TBX2: variants seen among roughly 807,000 people sequenced by gnomAD.
TBX2 encodes the protein T-box transcription factor TBX2.
A neutral mutation model predicts 48.4 loss-of-function variants in TBX2; 19 were observed. The ratio of observed to expected loss-of-function variants is 0.39; its 90% CI spans 0.27 to 0.58. TBX2 has a LOEUF of 0.58. Among genes scored for constraint, TBX2 ranks in the 20% least tolerant of loss-of-function variants. The probability of loss-of-function intolerance (pLI) is 0.54; values close to 1 mark genes in which losing one functional copy is unlikely to be tolerated. For missense variants in TBX2, 994 were observed against 1,006.5 expected (o/e 0.99, Z 0.17); for synonymous variants, 522 against 459.7 (o/e 1.14, Z -1.73).
In TBX2 at chr17:61,408,705, A is replaced by G. The variant is rs1394339854; in HGVS notation, c.*199A>G. On this transcript the variant is annotated 3_prime_UTR_variant, in exon 7 of 7. Transcript: ENST00000240328. Reference sequence around the variant, plus strand: ...CTCAACAAGGATCAGGCTGCTGGAAACACAGTCACTTGGGAGCTGCTGGGC... The same window carrying G: ...CTCAACAAGGATCAGGCTGCTGGAAGCACAGTCACTTGGGAGCTGCTGGGC... The G allele has an allele frequency of 3.9e-5, 19 of 484,380 alleles. No homozygotes were observed. Among genetic ancestry groups the G allele is most frequent in the Non-Finnish European group, 5.5e-5 (16 of 292,170 alleles). 30.0% of individuals were successfully genotyped at this position (484,380 alleles called of 1,614,324 possible). A position where few individuals can be genotyped will look rare whatever the true frequency, so the allele number is the denominator to read the frequency against.
rs2060278806 is a variant in TBX2, at chr17:61,404,465, C to T, written c.855C>T (p.Phe285=). Residue 285 remains phenylalanine, a synonymous_variant, in exon 4 of 7, where the codon TTC becomes TTT. Transcript: ENST00000240328. The part of the protein sequence containing the change: ...KIDNNPFAKG[F]RDTGNGRREK... ...ACAACAACCCGTTTGCCAAGGGCTT[C>T]CGGGACACCGGGAACGGCCGGCGGG... is the stretch of plus-strand genomic sequence containing the variant. 2 of 1,612,054 alleles carry T rather than the reference C, an allele frequency of 1.2e-6. No homozygotes were observed. Among genetic ancestry groups the T allele is most frequent in the African/African-American group, 1.3e-5 (1 of 74,916 alleles).
chr17:61,407,795 C>T (rs1441086793), intron 6 of TBX2: 2 of 492,198 alleles, frequency 4.1e-6, no homozygotes, highest in African/African-American at 4.0e-5. Flanking sequence ...CTTTCCATTA[C>T]CCCTGCTGTA....
intron 6 of TBX2, chr17:61,407,765 G>A (rs2060294848): frequency 2.5e-6 from 1 of 406,412 alleles, no homozygotes; most frequent in Non-Finnish European, 4.3e-6. Flanking sequence ...ACCCGTGCTA[G>A]GGCAGTCACC....
intron 5 of TBX2, 92 bp downstream of exon 5, chr17:61,404,861 G>A (rs1198771153): frequency 1.3e-6 from 2 of 1,498,356 alleles, no homozygotes; most frequent in Non-Finnish European, 1.8e-6. Flanking sequence ...CCGCTAACCT[G>A]AAAGGCCAGG....
intron 2 of TBX2, among the ~76,000 whole-genome samples, chr17:61,402,236 G>C (rs1363383773): frequency 6.6e-6 from 1 of 152,204 alleles, no homozygotes; most frequent in African/African-American, 2.4e-5. Context: ...AGGGAGGCAG[G>C]TGCTGCCAGG....
rs1157093139 is a variant in TBX2 at position 61,405,543 on chromosome 17, C to T, written c.1393C>T (p.Leu465=). The change falls in exon 6 of 7, where the codon CTG becomes TTG. Residue 465 remains leucine (L), a synonymous_variant. Transcript: ENST00000240328. ...TGCGTCCCCCCTGGGCGCCGGACAC[C>T]TGCCCGGCCTGGCCTTTTCCAGCCA... The part of the protein sequence containing the change: ...DSASPLGAGH[L]PGLAFSSHLH... 6.3e-7 allele frequency: 1 copy of T among 1,592,934 alleles called. No homozygotes were observed.
Position 61,405,631 on chromosome 17 carries a change from G to A in TBX2, c.1481G>A (p.Gly494Glu). The change falls in exon 6 of 7, where the codon GGA (glycine) becomes GAA (glutamate). Residue 494 changes from glycine to glutamate, a missense_variant. By Grantham distance (98) the Gly-to-Glu change is moderately conservative (BLOSUM62 -2). Transcript: ENST00000240328. ...GGCCAGCCGCTCTTCCTGCACCCTGGACAGTTCACCATGGGCCCTGGCGCC... is the reference window on the plus strand; with the variant it reads ...GGCCAGCCGCTCTTCCTGCACCCTGAACAGTTCACCATGGGCCCTGGCGCC... ...GAGQPLFLHP[G>E]QFTMGPGAFS... The A allele has an allele frequency of 2.6e-6, 4 of 1,561,620 alleles. No homozygotes were observed. The highest frequency in any genetic ancestry group is 2.6e-6 in the Non-Finnish European group (3 of 1,157,880).
chr17:61,402,106 GCTGGGC>G (rs886285946), intron 2 of TBX2, among the ~76,000 whole-genome samples, 155 bp downstream of exon 2: 22 of 152,262 alleles, frequency 1.4e-4, no homozygotes, highest in African/African-American at 5.1e-4. Context: ...GTCTACGTGG[GCTGGGC>G]CTGGGCCTGG....
In TBX2 at chr17:61,403,238, T is replaced by A; in HGVS notation, c.810+31T>A. The A allele has an allele frequency of 6.2e-7, 1 of 1,606,730 alleles. No individual in the cohort carries two copies. The highest frequency in any genetic ancestry group is 8.5e-7 in the Non-Finnish European group (1 of 1,179,166). ...CGCGGCGGGCGGTGGGCTAAGCCCC[T>A]GCACTGACGCCCCTCAACACGTGCA... On this transcript the variant is annotated intron_variant, in intron 3 of 6. Coordinates refer to ENST00000240328, the MANE Select transcript of TBX2 (RefSeq NM_005994.4). The surrounding 1 kb of genome is among the most constrained non-coding windows in gnomAD (Gnocchi z 5.8).
chr17:61,405,870 G>A, intron 6 of TBX2, 34 bp downstream of exon 6: 2 of 1,286,372 alleles, frequency 1.6e-6, no homozygotes, highest in Non-Finnish European at 2.0e-6. Flanking sequence ...GCGCCAGCGA[G>A]GGAGAAGGCC....
chr17:61,408,327 C>A lies in TBX2; in HGVS notation c.1960C>A (p.Arg654=), dbSNP rs746759936. 1 of 1,608,430 alleles carries A rather than the reference C, an allele frequency of 6.2e-7. No individual in the cohort carries two copies. ...CTCCAAGGCCGCTGGTGGAAACAGC[C>A]GGGAGCCTAGCCCCCTGCCCGAGCT... ...EGSKAAGGNS[R]EPSPLPELAL... The change falls in exon 7 of 7, where the codon CGG becomes AGG. Residue 654 remains arginine, a synonymous_variant. Transcript: ENST00000240328.
chr17:61,405,325 A>G lies in TBX2; in HGVS notation c.1175A>G (p.Glu392Gly). 6.5e-7 allele frequency: 1 copy of G among 1,547,938 alleles called. No individual in the cohort carries two copies. The stretch of plus-strand genomic sequence containing the variant: ...AGCGCCAGCCCCACTCGCTTGACCG[A>G]ACCCGAGCGCGCCCGGGAGCGGCGT... Reference protein sequence around the residue: ...PDSASPTRLTEPERARERRSP... With the variant: ...PDSASPTRLTGPERARERRSP... Residue 392 changes from glutamate (E) to glycine (G), a missense_variant, in exon 6 of 7, where the codon GAA becomes GGA. Coordinates refer to ENST00000240328, the MANE Select transcript of TBX2 (RefSeq NM_005994.4).
Position 61,408,042 on chromosome 17 carries a change from T to C in TBX2, c.1687-12T>C. 6.4e-7 allele frequency: 1 copy of C among 1,562,392 alleles called. No individual in the cohort carries two copies. Among genetic ancestry groups the C allele is most frequent in the Non-Finnish European group, 8.6e-7 (1 of 1,157,426 alleles). ...AAGATGTCTAACCCTCGTCTTGTTC[T>C]GTTTCTTCCAGGGAATTCCAATGCC... is the stretch of plus-strand genomic sequence containing the variant. On this transcript the variant is annotated splice_polypyrimidine_tract_variant and intron_variant, in intron 6 of 6. Coordinates refer to ENST00000240328, the MANE Select transcript of TBX2 (RefSeq NM_005994.4).
chr17:61,401,738 G>A lies in TBX2; in HGVS notation c.450G>A (p.Lys150=). The change falls in exon 2 of 7, where the codon AAG becomes AAA. Residue 150 remains lysine (K), a synonymous_variant. Coordinates refer to ENST00000240328, the MANE Select transcript of TBX2 (RefSeq NM_005994.4). ...TCAGCGGCCTGGACAAGAAGGCCAA[G>A]TATATCCTGCTGATGGACATTGTAG... ...VRVSGLDKKA[K]YILLMDIVAA... The A allele has an allele frequency of 6.2e-7, 1 of 1,613,074 alleles. No individual in the cohort carries two copies. Among genetic ancestry groups the A allele is most frequent in the Non-Finnish European group, 8.5e-7 (1 of 1,180,010 alleles).
At position 61,401,772 on chromosome 17, in the gene TBX2, G is replaced by A. The variant is rs1346822633; in HGVS notation, c.484G>A (p.Asp162Asn). 1.1e-5 allele frequency: 17 copies of A among 1,613,128 alleles called. No individual in the cohort carries two copies. Among genetic ancestry groups the A allele is most frequent in the Non-Finnish European group, 1.4e-5 (17 of 1,180,028 alleles). The change falls in exon 2 of 7, where the codon GAT (aspartate) becomes AAT (asparagine). Residue 162 changes from aspartate to asparagine, a missense_variant. Physicochemically the swap from Asp to Asn is conservative, Grantham distance 23 (BLOSUM62 1). Around this residue, in one of 5 missense-constraint regions of TBX2, gnomAD observed 153 missense variants for 166.2 expected, o/e 0.92. Transcript: ENST00000240328. ...GCTGATGGACATTGTAGCCGCTGAC[G>A]ATTGCCGCTATAAGTTCCACAACTC... is the stretch of plus-strand genomic sequence containing the variant. ...ILLMDIVAAD[D>N]CRYKFHNSRW...
chr17:61,407,994 C>T (rs2060295527), intron 6 of TBX2, 60 bp from the exon 7 acceptor site: 1 of 1,509,268 alleles, frequency 6.6e-7, no homozygotes, highest in Non-Finnish European at 8.8e-7. Flanking sequence ...AGCACCCAGC[C>T]CAACTTCAGA....
At chr17:61,407,833 C>T in intron 6 of TBX2, 1 of 564,814 alleles carries the variant, frequency 1.8e-6, no homozygotes, top group Non-Finnish European at 3.1e-6. Flanking sequence ...TGATGGCAGG[C>T]CTTTGCATGG....
Position 61,408,511 on chromosome 17 carries a change from C to T in TBX2, c.*5C>T. ...GGCCGGGAGTCGCCCAAGTGAGGGG[C>T]TGCCCAGCTGCTCCCCTGCCACGCA... On this transcript the variant is annotated 3_prime_UTR_variant, in exon 7 of 7. Transcript: ENST00000240328. 1 of 1,437,626 alleles carries T rather than the reference C, an allele frequency of 7.0e-7. No individual in the cohort carries two copies. 89.1% of individuals were successfully genotyped at this position (1,437,626 alleles called of 1,614,324 possible). A position where few individuals can be genotyped will look rare whatever the true frequency, so the allele number is the denominator to read the frequency against.
In TBX2 at chr17:61,401,580, G is replaced by A. The variant is rs1447800175; in HGVS notation, c.396-104G>A. On this transcript the variant is annotated intron_variant, in intron 1 of 6. Coordinates refer to ENST00000240328, the MANE Select transcript of TBX2 (RefSeq NM_005994.4). ...CCGACCACAGGGGAAACAGCCAGGC[G>A]GCAGCGGTGTGCGCAACGAGGAGGG... 11 of 1,444,218 alleles carry A rather than the reference G, an allele frequency of 7.6e-6. No individual in the cohort carries two copies. The South Asian group carries it at 1.5e-4, about 20-fold the overall frequency. The allele number at this position is 1,444,218 out of a possible 1,614,324, so 89.5% of individuals were successfully genotyped here. A position where few individuals can be genotyped will look rare whatever the true frequency, so the allele number is the denominator to read the frequency against.
Sources: allele counts gnomAD v4.1 joint callset (sites outside exome capture counted in the v4.1 genomes callset), GRCh38; gene constraint gnomAD v4.1.1; regional missense constraint gnomAD v4.1.1; non-coding constraint Gnocchi (gnomAD v3.1); transcripts MANE v1.5; gene names NCBI Gene and HGNC (gene_info 2026-07-23, HGNC 2026-07-21).